SYNPR: variants seen among roughly 807,000 people sequenced by gnomAD.
The protein encoded by SYNPR is synaptoporin.
SYNPR carries 23 observed loss-of-function variants against 32.9 expected under a neutral mutation model. That is an observed-to-expected ratio of 0.70 (90% CI 0.50 to 0.99). The LOEUF is 0.99. SYNPR is among the 50% of genes least tolerant of loss of function. SYNPR has a pLI of 0.00. For synonymous variants in SYNPR, 146 were observed against 135.9 expected (o/e 1.07, Z -0.52); for missense variants, 318 against 349.3 (o/e 0.91, Z 0.71).
chr3:63,393,496 C>CTTTTTTTTTTTTTTTT (rs71631152), intron 2 of SYNPR, among the ~76,000 whole-genome samples: 13 of 84,508 alleles, frequency 1.5e-4, no homozygotes, highest in East Asian at 3.9e-4. Flanking sequence ...TCTTTCTTCT[C>CTTTTTTTTTTTTTTTT]TTTTTTTTTT....
Position 63,515,599 on chromosome 3 carries a change from G to A in SYNPR, c.209+34643G>A, listed in dbSNP as rs188093385. 1.7e-3 allele frequency among the ~76,000 whole-genome samples: 252 copies of A among 152,160 alleles called. 7 individuals carry two copies. The South Asian group carries it at 0.042, about 25-fold the overall frequency. On this transcript the variant is annotated intron_variant, in intron 3 of 5. Transcript: ENST00000478300. ...ATGTTGCCTGCTAATGGAAATTGGG[G>A]TATATTCATGTGTTTTGGCCTGAGA...
intron 2 of SYNPR, among the ~76,000 whole-genome samples, chr3:63,332,088 G>GA (rs2087236993): frequency 6.6e-6 from 1 of 152,172 alleles, no homozygotes; most frequent in East Asian, 1.9e-4. Context: ...TATAGATCTG[G>GA]AAAAAACATT....
At chr3:63,260,854 T>A (rs2086431445) in intron 2 of SYNPR, among the ~76,000 whole-genome samples, 1 of 148,634 alleles carries the variant, frequency 6.7e-6, no homozygotes, top group African/African-American at 2.5e-5. Flanking sequence ...GAATCTACAA[T>A]GAACTCAAAC....
intron 2 of SYNPR, among the ~76,000 whole-genome samples, chr3:63,362,503 G>A (rs1359934633): frequency 6.6e-6 from 1 of 152,040 alleles, no homozygotes. Context: ...AAAAAAAAAT[G>A]GAGCCTACCA....
chr3:63,594,099 G>C (rs1699892084), intron 4 of SYNPR, among the ~76,000 whole-genome samples: 1 of 152,104 alleles, frequency 6.6e-6, no homozygotes, highest in Non-Finnish European at 1.5e-5. Context: ...TTGTAAAATA[G>C]AAAAACTAAC....
chr3:63,609,097 C>T (rs745906713), intron 4 of SYNPR, 28 bp from the exon 5 acceptor site: 19 of 1,557,606 alleles, frequency 1.2e-5, no homozygotes, highest in Non-Finnish European at 1.3e-5. Context: ...TTTCTTTTAC[C>T]ATTTTCTATT....
At chr3:63,581,256 C>T (rs1411299694) in intron 4 of SYNPR, among the ~76,000 whole-genome samples, 1 of 152,104 alleles carries the variant, frequency 6.6e-6, no homozygotes, top group East Asian at 1.9e-4. Context: ...CAAGGGAGCA[C>T]TGCGTTGAGA....
At chr3:63,287,654 GAGA>G (rs1469516888) in intron 2 of SYNPR, among the ~76,000 whole-genome samples, 1 of 152,188 alleles carries the variant, frequency 6.6e-6, no homozygotes, top group East Asian at 1.9e-4. Flanking sequence ...AAGAAAATGA[GAGA>G]AGAAGGAGGG....
intron 1 of SYNPR, among the ~76,000 whole-genome samples, chr3:63,242,611 C>T (rs2086257042): frequency 2.0e-5 from 3 of 151,952 alleles, no homozygotes; most frequent in Non-Finnish European, 2.9e-5. Context: ...ACAAAGTCAC[C>T]CAGTAGAGAT....
intron 2 of SYNPR, among the ~76,000 whole-genome samples, chr3:63,414,562 T>C (rs41494245): frequency 0.046 from 6,980 of 152,330 alleles, 211 homozygotes; most frequent in Admixed American, 0.087. Flanking sequence ...AATATTCAGA[T>C]TGATTGCAAA....
At chr3:63,316,555 G>A (rs1315492132) in intron 2 of SYNPR, among the ~76,000 whole-genome samples, 1 of 151,806 alleles carries the variant, frequency 6.6e-6, no homozygotes, top group Non-Finnish European at 1.5e-5. Flanking sequence ...ATGATCTTTT[G>A]TATTTCAGTG....
chr3:63,232,176 G>T (rs1009470553), intron 1 of SYNPR, among the ~76,000 whole-genome samples: 13 of 134,340 alleles, frequency 9.7e-5, no homozygotes, highest in African/African-American at 3.2e-4. Flanking sequence ...TCTCAAGTGA[G>T]TATTTCAGAT....
chr3:63,610,613 T>G (rs1254931384), intron 5 of SYNPR: 1 of 602,006 alleles, frequency 1.7e-6, no homozygotes, highest in Admixed American at 2.5e-5. Context: ...TTTTTATTCA[T>G]TGCTGACCAC....
At chr3:63,576,987 A>G (rs1277541343) in intron 4 of SYNPR, among the ~76,000 whole-genome samples, 1 of 152,082 alleles carries the variant, frequency 6.6e-6, no homozygotes, top group Non-Finnish European at 1.5e-5. Flanking sequence ...AAACTGGCTG[A>G]ACCAGTTTTT....
intron 1 of SYNPR, among the ~76,000 whole-genome samples, chr3:63,249,289 C>T (rs1216808087): frequency 1.3e-5 from 2 of 151,824 alleles, no homozygotes; most frequent in African/African-American, 2.4e-5. Flanking sequence ...TGTGATAAAC[C>T]CTAGAAAATG....
At chr3:63,580,822 T>A (rs1703077354) in intron 4 of SYNPR, among the ~76,000 whole-genome samples, 1 of 152,184 alleles carries the variant, frequency 6.6e-6, no homozygotes, top group Admixed American at 6.5e-5. Flanking sequence ...TAACTACATC[T>A]GGAAATAACG....
At chr3:63,465,906 G>T (rs1333477014) in intron 2 of SYNPR, among the ~76,000 whole-genome samples, 1 of 151,596 alleles carries the variant, frequency 6.6e-6, no homozygotes, top group Non-Finnish European at 1.5e-5. Flanking sequence ...GACCTTTTTG[G>T]TTTTTTAACT....
At chr3:63,424,291 A>G (rs1446989697) in intron 2 of SYNPR, among the ~76,000 whole-genome samples, 1 of 152,170 alleles carries the variant, frequency 6.6e-6, no homozygotes, top group Non-Finnish European at 1.5e-5. Flanking sequence ...TGAAAAAATC[A>G]TCACCTATAG....
chr3:63,267,016 A>T (rs908579783), intron 2 of SYNPR, among the ~76,000 whole-genome samples: 3 of 152,206 alleles, frequency 2.0e-5, no homozygotes, highest in Non-Finnish European at 4.4e-5. Context: ...TATGAAAGTC[A>T]TAATGTGGCC....
Sources: allele counts gnomAD v4.1 joint callset (sites outside exome capture counted in the v4.1 genomes callset), GRCh38; gene constraint gnomAD v4.1.1; transcripts MANE v1.5; gene names NCBI Gene and HGNC (gene_info 2026-07-23, HGNC 2026-07-21).